Variants in VPS37A observed in about 807,000 individuals in gnomAD.
VPS37A encodes VPS37A subunit of ESCRT-I.
Under a neutral mutation model 49.8 loss-of-function variants are expected in VPS37A, and 30 were observed. The observed-to-expected ratio is 0.60, with a 90% confidence interval of 0.45 to 0.82. The LOEUF (loss-of-function observed/expected upper bound fraction) is 0.82. VPS37A is among the 40% of genes least tolerant of loss of function. VPS37A has a pLI of 0.00. For synonymous variants in VPS37A, 195 were observed against 160.6 expected, an observed-to-expected ratio of 1.21 and a Z score of -1.62; for missense variants, 593 against 464.4, an observed-to-expected ratio of 1.28 and a Z score of -2.55.
intron 9 of VPS37A, among the ~76,000 whole-genome samples, chr8:17,282,133 A>G (rs1411767537): frequency 6.6e-6 from 1 of 152,090 alleles, no homozygotes; most frequent in Admixed American, 6.6e-5. Context: ...CTTTCCCAGT[A>G]TCAGAATACA....
chr8:17,301,873 ACTACTCT>A (rs2150459688), downstream of VPS37A: 1 of 419,772 alleles, frequency 2.4e-6, no homozygotes, highest in East Asian at 3.5e-5. Context: ...AATTAATTTT[ACTACTCT>A]CAAATAACAG....
chr8:17,280,429 C>A lies in VPS37A; in HGVS notation c.955C>A (p.His319Asn), dbSNP rs754985041. ...TTTCGAAAAGAAGATGCAAAGGCAGCATGAACTTAGTGAGGTAAGACTGTT... is the reference window on the plus strand; with the variant it reads ...TTTCGAAAAGAAGATGCAAAGGCAGAATGAACTTAGTGAGGTAAGACTGTT... The part of the protein sequence containing the change: ...STFEKKMQRQ[H>N]ELSESCSASA... The change falls in exon 9 of 12, where the codon CAT (histidine) becomes AAT (asparagine). Residue 319 changes from histidine (H) to asparagine (N), a missense_variant. By Grantham distance (68) the His-to-Asn change is moderately conservative. Coordinates refer to ENST00000324849, the MANE Select transcript of VPS37A (RefSeq NM_152415.3). 6.2e-7 allele frequency: 1 copy of A among 1,608,140 alleles called. No homozygotes were observed. The highest frequency in any genetic ancestry group is 8.5e-7 in the Non-Finnish European group (1 of 1,178,056).
intron 4 of VPS37A, among the ~76,000 whole-genome samples, chr8:17,271,442 A>G (rs554968573): frequency 7.6e-4 from 115 of 152,198 alleles, no homozygotes; most frequent in Non-Finnish European, 1.2e-3. Context: ...CGTCTCTACT[A>G]AAAATACAAA....
Position 17,265,971 on chromosome 8 carries a change from A to G in VPS37A, c.190A>G (p.Asn64Asp). The G allele has an allele frequency of 1.9e-6, 3 of 1,612,412 alleles. No individual in the cohort carries two copies. Among genetic ancestry groups the G allele is most frequent in the African/African-American group, 1.3e-5 (1 of 75,014 alleles). ...ATTCACCATAAACAACCTGACAATT[A>G]ACATTAATATGTGAGTAGAATTGTA... is the stretch of plus-strand genomic sequence containing the variant. ...LPFTINNLTI[N>D]INILLPPQFP... The change falls in exon 2 of 12, where the codon AAC becomes GAC. Residue 64 changes from asparagine (N) to aspartate (D), a missense_variant. Asn to Asp is a conservative substitution (Grantham distance 23). Transcript: ENST00000324849.
intron 11 of VPS37A, among the ~76,000 whole-genome samples, chr8:17,291,769 C>T (rs765930052): frequency 6.6e-6 from 1 of 151,980 alleles, no homozygotes; most frequent in Non-Finnish European, 1.5e-5. Context: ...GTTCAGTTTC[C>T]ATGTAGTTGT....
chr8:17,260,566 A>T (rs1307227384), intron 1 of VPS37A, among the ~76,000 whole-genome samples: 1 of 152,074 alleles, frequency 6.6e-6, no homozygotes, highest in Non-Finnish European at 1.5e-5. Flanking sequence ...ATGCCTCCAG[A>T]TGTTTTCTCT....
At chr8:17,299,657 C>A, downstream of VPS37A, 1 of 632,806 alleles carries the variant, frequency 1.6e-6, no homozygotes, top group Non-Finnish European at 2.6e-6. Flanking sequence ...GAATAATTTT[C>A]CTTATATTTG....
intron 1 of VPS37A, among the ~76,000 whole-genome samples, chr8:17,261,487 C>G (rs181406988): frequency 1.3e-5 from 2 of 152,166 alleles, no homozygotes; most frequent in Non-Finnish European, 1.5e-5. Context: ...TTGTTTCATC[C>G]GCTTAGGGAA....
intron 1 of VPS37A, chr8:17,248,468 GTTTCACCACAT>G (rs1811640786): frequency 2.3e-6 from 1 of 437,928 alleles, no homozygotes; most frequent in Non-Finnish European, 4.6e-6. Flanking sequence ...TAGAGACGGG[GTTTCACCACAT>G]TGGTCAGGCT....
rs1812636345 is a variant in VPS37A, at chr8:17,258,039, T to C, written c.126-7868T>C. On this transcript the variant is annotated intron_variant, in intron 1 of 11. Coordinates refer to ENST00000324849, the MANE Select transcript of VPS37A (RefSeq NM_152415.3). ...ATTTCTAACAGGTTTTTTGTTTGTCTGTTTTTTTGGTGGGGTCTTTAGGTT... is the reference window on the plus strand; with the variant it reads ...ATTTCTAACAGGTTTTTTGTTTGTCCGTTTTTTTGGTGGGGTCTTTAGGTT... Among the ~76,000 whole-genome samples, 4 of 152,168 alleles carry C rather than the reference T, an allele frequency of 2.6e-5. No homozygotes were observed. In the South Asian group the frequency reaches 8.3e-4, roughly 31 times the overall value.
chr8:17,293,603 T>G (rs1210519547), intron 11 of VPS37A, among the ~76,000 whole-genome samples: 1 of 152,204 alleles, frequency 6.6e-6, no homozygotes, highest in Non-Finnish European at 1.5e-5. Context: ...TTTATCTACC[T>G]TTGTTCTTTG....
At chr8:17,262,327 A>G (rs1813030763) in intron 1 of VPS37A, among the ~76,000 whole-genome samples, 1 of 152,150 alleles carries the variant, frequency 6.6e-6, no homozygotes, top group African/African-American at 2.4e-5. Context: ...TGAATTCTCT[A>G]AAGCATATTA....
chr8:17,262,709 A>G (rs1813070173), intron 1 of VPS37A, among the ~76,000 whole-genome samples: 1 of 152,174 alleles, frequency 6.6e-6, no homozygotes, highest in African/African-American at 2.4e-5. Flanking sequence ...AATATCTAAT[A>G]GTAGAAAATA....
intron 11 of VPS37A, among the ~76,000 whole-genome samples, chr8:17,290,775 C>G (rs746336506): frequency 3.3e-5 from 5 of 152,110 alleles, no homozygotes; most frequent in Admixed American, 6.6e-5. Context: ...CTTTGTACCT[C>G]TGGTAGAATT....
chr8:17,277,598 C>CA (rs1814637720), intron 6 of VPS37A, among the ~76,000 whole-genome samples: 1 of 151,944 alleles, frequency 6.6e-6, no homozygotes, highest in African/African-American at 2.4e-5. Context: ...TTTAACCCAT[C>CA]AATTCTTCAG....
chr8:17,319,248 A>G, the VPS37A span, among the ~76,000 whole-genome samples: 1 of 152,208 alleles, frequency 6.6e-6, no homozygotes, highest in Admixed American at 6.5e-5. Flanking sequence ...CTTCAAATAT[A>G]AAATGGGGAT....
the VPS37A span, among the ~76,000 whole-genome samples, chr8:17,325,160 A>AACCT: frequency 7.9e-5 from 12 of 152,014 alleles, no homozygotes; most frequent in Non-Finnish European, 1.8e-4. Context: ...AGCAGAGAGA[A>AACCT]CTATTTCAGA....
chr8:17,272,963 A>G lies in VPS37A; in HGVS notation c.417-1770A>G, dbSNP rs530615133. ...AGCTGTTTTATTCATCTACAAGAAA[A>G]TATATATAGTATTGTATTTTCCCCC... On this transcript the variant is annotated intron_variant, in intron 4 of 11. Coordinates refer to ENST00000324849, the MANE Select transcript of VPS37A (RefSeq NM_152415.3). 3.3e-5 allele frequency among the ~76,000 whole-genome samples: 5 copies of G among 150,116 alleles called. No individual in the cohort carries two copies. In the South Asian group the frequency reaches 1.0e-3, roughly 32 times the overall value.
the VPS37A span, among the ~76,000 whole-genome samples, chr8:17,324,513 G>C: frequency 2.0e-5 from 3 of 152,174 alleles, no homozygotes; most frequent in Admixed American, 2.0e-4. Context: ...TCTGCGCTTA[G>C]TGTTGGACGG....
Sources: gnomAD v4.1 joint callset for allele counts (sites outside exome capture counted in the v4.1 genomes callset) on GRCh38, gnomAD v4.1.1 for gene constraint, MANE v1.5 for transcripts, NCBI Gene and HGNC (gene_info 2026-07-23, HGNC 2026-07-21) for gene names.